SAFB2: variants seen among roughly 807,000 people sequenced by gnomAD.
SAFB2 encodes scaffold attachment factor B2.
Under a neutral mutation model 100.6 loss-of-function variants are expected in SAFB2, and 32 were observed. The observed-to-expected ratio is 0.32, with a 90% CI of 0.24 to 0.43. The LOEUF is 0.43. Among genes scored for constraint, SAFB2 ranks in the 20% least tolerant of loss-of-function variants. The pLI, the probability that SAFB2 is intolerant of heterozygous loss-of-function variation, is 1.00. For synonymous variants in SAFB2, 500 were observed against 439.4 expected, an observed-to-expected ratio of 1.14 and a Z score of -1.72; for missense variants, 1,185 against 1,163.4, an observed-to-expected ratio of 1.02 and a Z score of -0.27.
At chr19:5,615,198 T>A (rs1016421181) in intron 4 of SAFB2, among the ~76,000 whole-genome samples, 1 of 151,888 alleles carries the variant, frequency 6.6e-6, no homozygotes, top group Non-Finnish European at 1.5e-5. Flanking sequence ...ACTAAAAATA[T>A]AAAAAAATCA....
intron 5 of SAFB2, among the ~76,000 whole-genome samples, 184 bp from the exon 6 acceptor site, chr19:5,612,751 C>T (rs1052551433): frequency 6.6e-6 from 1 of 152,190 alleles, no homozygotes; most frequent in African/African-American, 2.4e-5. Flanking sequence ...TTAACAGTTT[C>T]CCTGGTAACA....
At chr19:5,611,903 C>A (rs965974662) in intron 6 of SAFB2, 2 of 563,662 alleles carry the variant, frequency 3.5e-6, no homozygotes, top group African/African-American at 1.9e-5. Flanking sequence ...TAGTCTTCTT[C>A]GAGTTTTTGT....
At chr19:5,621,501 C>A in intron 1 of SAFB2, 105 bp from the exon 2 acceptor site, 1 of 786,810 alleles carries the variant, frequency 1.3e-6, no homozygotes. Context: ...CCCGTCCTTG[C>A]AAAGAGCAAC....
intron 18 of SAFB2, 64 bp downstream of exon 18, chr19:5,590,212 CCA>C: frequency 7.6e-7 from 1 of 1,308,346 alleles, no homozygotes; most frequent in Non-Finnish European, 1.0e-6. Flanking sequence ...ACGTGCCTGG[CCA>C]GGCACCAACC....
rs1314471243 is a variant in SAFB2 at position 5,591,945 on chromosome 19, G to A, written c.2349-152C>T. The A allele has an allele frequency of 2.9e-5, 21 of 728,994 alleles. 1 individual carries two copies. The highest frequency in any genetic ancestry group is 2.0e-4 in the South Asian group (11 of 55,576). 45.2% of individuals were successfully genotyped at this position (728,994 alleles called of 1,614,324 possible). On this transcript the variant is annotated intron_variant, in intron 16 of 20. Coordinates refer to ENST00000252542, the MANE Select transcript of SAFB2 (RefSeq NM_014649.3). ...AAAAAGGAAAAAGCTAGCTCAAATC[G>A]AAAGGCTTTTCCCCGGGGGCAGAAA...
intron 18 of SAFB2, among the ~76,000 whole-genome samples, chr19:5,588,743 C>A (rs1370264308): frequency 6.6e-6 from 1 of 152,226 alleles, no homozygotes; most frequent in Admixed American, 6.5e-5. Flanking sequence ...CTAAAAGGGG[C>A]AGGGTTTCTT....
rs1555683608 is a variant in SAFB2 at position 5,587,088 on chromosome 19, T to TTA, written c.*154_*155insTA. 1,063 of 790,912 alleles carry TTA rather than the reference T, an allele frequency of 1.3e-3. 2 individuals are homozygous for TTA. The highest frequency in any genetic ancestry group is 0.012 in the Admixed American group (414 of 35,472). 49.0% of individuals were successfully genotyped at this position (790,912 alleles called of 1,614,324 possible). On this transcript the variant is annotated 3_prime_UTR_variant, in exon 21 of 21. Transcript: ENST00000252542. This position sits in a 1 kb window ranked among gnomAD's most constrained non-coding sequence, Gnocchi z 4.9. ...ATGGCAGAACAAGAACACATTTATT[T>TTA]AAAAAAAAAAAAAAAGTGAGTTCAC... is the stretch of plus-strand genomic sequence containing the variant.
intron 11 of SAFB2, among the ~76,000 whole-genome samples, chr19:5,603,395 G>A (rs763459784): frequency 2.0e-5 from 3 of 152,094 alleles, no homozygotes; most frequent in South Asian, 2.1e-4. Context: ...TCTAAACTGC[G>A]TTGACAACGT....
Position 5,600,908 on chromosome 19 carries a change from C to T in SAFB2, c.1560-648G>A, listed in dbSNP as rs186891360. On this transcript the variant is annotated intron_variant, in intron 11 of 20. Coordinates refer to ENST00000252542, the MANE Select transcript of SAFB2 (RefSeq NM_014649.3). Reference sequence around the variant, plus strand: ...CTTCGCCACTCAAACTCAGCTGCTGCGTTCCCTAATGCCATTTGTCTCAGG... The same window carrying T: ...CTTCGCCACTCAAACTCAGCTGCTGTGTTCCCTAATGCCATTTGTCTCAGG... 2.6e-5 allele frequency among the ~76,000 whole-genome samples: 4 copies of T among 152,332 alleles called. 1 individual carries two copies. The East Asian group carries it at 7.7e-4, about 29-fold the overall frequency.
chr19:5,598,492 G>A (rs1278781793), intron 13 of SAFB2: 10 of 381,346 alleles, frequency 2.6e-5, no homozygotes, highest in African/African-American at 1.0e-4. Context: ...CTTCCGGCTC[G>A]AAAAGCCTGG....
In SAFB2 at chr19:5,598,904, A is replaced by AT. The variant is rs764582853; in HGVS notation, c.1691-21_1691-20insA. The AT allele has an allele frequency of 1.2e-6, 2 of 1,612,254 alleles. No homozygotes were observed. The highest frequency in any genetic ancestry group is 1.7e-6 in the Non-Finnish European group (2 of 1,178,628). On this transcript the variant is annotated intron_variant, in intron 12 of 20. Transcript: ENST00000252542. ...TGCTTCCTTCAGGAAAAAACACAAC[A>AT]AACTATCAAAACCTGTGGACGCCCC...
chr19:5,594,191 GT>G lies in SAFB2; in HGVS notation c.1920-14del. On this transcript the variant is annotated splice_polypyrimidine_tract_variant and intron_variant, in intron 14 of 20. Transcript: ENST00000252542. The stretch of plus-strand genomic sequence containing the variant: ...CTGCTCGCGCTCCCTGCGGGGACAG[GT>G]GAGGCTGCCCTGAACTCCCTGCGTG... The G allele has an allele frequency of 6.3e-7, 1 of 1,576,364 alleles. No homozygotes were observed. The highest frequency in any genetic ancestry group is 8.6e-7 in the Non-Finnish European group (1 of 1,168,376).
At chr19:5,600,820 G>A (rs1483241601) in intron 11 of SAFB2, among the ~76,000 whole-genome samples, 5 of 152,166 alleles carry the variant, frequency 3.3e-5, no homozygotes, top group South Asian at 2.1e-4. Flanking sequence ...CAGTGAATAC[G>A]GGAAGGTGTT....
At position 5,587,764 on chromosome 19, in the gene SAFB2, C is replaced by T. The variant is rs1259495469; in HGVS notation, c.2642G>A (p.Gly881Asp). ...CGAGGGCCCAGACAGGCCCCTCTCG[C>T]CACCTAGAAGAGAAGAAGGGTCTGC... is the stretch of plus-strand genomic sequence containing the variant. ...ASREHARWQGGERGLSGPSGP... is the reference protein window; with the variant it reads ...ASREHARWQGDERGLSGPSGP... Residue 881 changes from glycine (G) to aspartate (D), a missense_variant, in exon 20 of 21, where the codon GGC becomes GAC. Gly to Asp is a moderately conservative substitution (Grantham distance 94). Transcript: ENST00000252542. The surrounding 1 kb of genome is among the most constrained non-coding windows in gnomAD (Gnocchi z 4.9). 5.5e-5 allele frequency: 85 copies of T among 1,552,592 alleles called. No homozygotes were observed. The highest frequency in any genetic ancestry group is 1.7e-4 in the Middle Eastern group (1 of 6,010).
chr19:5,599,980 A>T (rs189631532), intron 12 of SAFB2, 150 bp downstream of exon 12: 1 of 801,122 alleles, frequency 1.2e-6, no homozygotes, highest in East Asian at 2.5e-5. Context: ...AAGCCATTTC[A>T]TCAACAGACT....
intron 11 of SAFB2, among the ~76,000 whole-genome samples, chr19:5,600,585 A>G (rs1320618762): frequency 2.0e-5 from 3 of 152,156 alleles, no homozygotes; most frequent in South Asian, 2.1e-4. Flanking sequence ...ACATAAGAAC[A>G]CTTCTAAAAA....
rs372249286 is a variant in SAFB2, at chr19:5,587,905, G to A, written c.2601C>T (p.Asp867=). 83 of 1,612,492 alleles carry A rather than the reference G, an allele frequency of 5.1e-5. No individual in the cohort carries two copies. Among genetic ancestry groups the A allele is most frequent in the Non-Finnish European group, 6.6e-5 (78 of 1,179,770 alleles). The stretch of plus-strand genomic sequence containing the variant: ...CGTGCTCCCGGCTAGCCGCGCCTGC[G>A]TCCATGGCACCCTGCCAGGCGCGTG... ...HQARAWQGAM[D]AGAASREHAR... Residue 867 remains aspartate (D), a synonymous_variant, in exon 19 of 21, where the codon GAC becomes GAT. Coordinates refer to ENST00000252542, the MANE Select transcript of SAFB2 (RefSeq NM_014649.3). This position sits in a 1 kb window ranked among gnomAD's most constrained non-coding sequence, Gnocchi z 4.9.
rs1425237126 is a variant in SAFB2 at position 5,587,337 on chromosome 19, T to TCCC, written c.2767_2768insGGG (p.Leu922_Glu923insGly). On this transcript the variant is annotated inframe_insertion, in exon 21 of 21. Coordinates refer to ENST00000252542, the MANE Select transcript of SAFB2 (RefSeq NM_014649.3). This position sits in a 1 kb window ranked among gnomAD's most constrained non-coding sequence, Gnocchi z 4.9. The stretch of plus-strand genomic sequence containing the variant: ...GTCCTGGCTGGCCACTCCGCCACCT[T>TCCC]CCAGTCCGCCACCTGGCACCACGTG... 1 of 1,613,126 alleles carries TCCC rather than the reference T, an allele frequency of 6.2e-7. No individual in the cohort carries two copies. The highest frequency in any genetic ancestry group is 8.5e-7 in the Non-Finnish European group (1 of 1,179,776).
chr19:5,610,961 C>T, intron 7 of SAFB2, 159 bp downstream of exon 7: 1 of 579,752 alleles, frequency 1.7e-6, no homozygotes, highest in Non-Finnish European at 3.1e-6. Context: ...TTGAATCACC[C>T]ATTAAAAACA....
Sources: gnomAD v4.1 joint callset for allele counts (sites outside exome capture counted in the v4.1 genomes callset) on GRCh38, gnomAD v4.1.1 for gene constraint, Gnocchi (gnomAD v3.1) non-coding constraint, MANE v1.5 for transcripts, NCBI Gene and HGNC (gene_info 2026-07-23, HGNC 2026-07-21) for gene names.